The following CSMD1 variants were observed in gnomAD, a reference collection of about 807,000 sequenced individuals.
CSMD1 encodes CUB and sushi domain-containing protein 1.
A neutral mutation model predicts 417.5 loss-of-function variants in CSMD1; 213 were observed. The ratio of observed to expected loss-of-function variants is 0.51; its 90% confidence interval spans 0.46 to 0.57. The LOEUF is 0.57. Among genes scored for constraint, CSMD1 ranks in the 20% least tolerant of loss-of-function variants. The pLI is 0.00. For synonymous variants in CSMD1, 2,862 were observed against 1,736.8 expected, an observed-to-expected ratio of 1.65 and a Z score of -16.11; for missense variants, 6,923 against 4,529.7, an observed-to-expected ratio of 1.53 and a Z score of -15.17.
At chr8:3,122,609 C>G (rs907834476) in intron 41 of CSMD1, among the ~76,000 whole-genome samples, 1 of 152,144 alleles carries the variant, frequency 6.6e-6, no homozygotes, top group East Asian at 1.9e-4. Context: ...CAATCAATCT[C>G]ATACTATTCT....
intron 3 of CSMD1, among the ~76,000 whole-genome samples, chr8:4,329,203 C>G (rs969771532): frequency 6.6e-6 from 1 of 152,128 alleles, no homozygotes. Context: ...AGAGATGTTT[C>G]CAATACAAAT....
In CSMD1 at chr8:3,051,395, AGTC is replaced by A. The variant is rs1481216702; in HGVS notation, c.7660+1064_7660+1066del. ...TCCTGTAAGTGGGAGCTAAACATTG[AGTC>A]CACACAGACATAAAGAAGGCAGCAA... On this transcript the variant is annotated intron_variant, in intron 50 of 69. Coordinates refer to ENST00000635120, the MANE Select transcript of CSMD1 (RefSeq NM_033225.6). Among the ~76,000 whole-genome samples the A allele has an allele frequency of 2.0e-5, 3 of 152,306 alleles. No homozygotes were observed. In the East Asian group the frequency reaches 5.8e-4, roughly 29 times the overall value.
At chr8:4,288,957 G>T (rs2656290) in intron 3 of CSMD1, among the ~76,000 whole-genome samples, 2 of 152,046 alleles carry the variant, frequency 1.3e-5, no homozygotes, top group Admixed American at 1.3e-4. Flanking sequence ...TGTGGCAGCT[G>T]TAAAAATGGT....
chr8:3,573,969 TA>T (rs1198307876), intron 10 of CSMD1, among the ~76,000 whole-genome samples: 3 of 152,060 alleles, frequency 2.0e-5, no homozygotes, highest in African/African-American at 7.2e-5. Context: ...TAAAAGGAGT[TA>T]AAAAAATTCA....
chr8:4,126,711 G>C (rs1451161653), intron 3 of CSMD1, among the ~76,000 whole-genome samples: 1 of 152,120 alleles, frequency 6.6e-6, no homozygotes, highest in Non-Finnish European at 1.5e-5. Flanking sequence ...CACTCTCCTG[G>C]AAGCTGCTCC....
intron 5 of CSMD1, among the ~76,000 whole-genome samples, chr8:3,888,153 C>A (rs575432820): frequency 2.6e-5 from 4 of 152,144 alleles, no homozygotes; most frequent in African/African-American, 7.2e-5. Context: ...CATTTGTATG[C>A]AATGTTCGTC....
At chr8:4,422,408 T>G (rs375904877) in intron 2 of CSMD1, among the ~76,000 whole-genome samples, 1 of 152,142 alleles carries the variant, frequency 6.6e-6, no homozygotes, top group Non-Finnish European at 1.5e-5. Context: ...GAGGTAATTA[T>G]AGTTAAATGA....
intron 3 of CSMD1, among the ~76,000 whole-genome samples, chr8:4,173,302 A>T (rs1332398413): frequency 6.6e-6 from 1 of 152,170 alleles, no homozygotes; most frequent in Non-Finnish European, 1.5e-5. Flanking sequence ...TTCCAAATTG[A>T]AGTGGGAAAT....
Position 3,469,809 on chromosome 8 carries a change from C to A in CSMD1, c.1449-985G>T, listed in dbSNP as rs149616340. ...AACTGTCATTATATGTGAAGTAACT[C>A]ATGCAATGTTACACACAAATTGAAA... On this transcript the variant is annotated intron_variant, in intron 11 of 69. Transcript: ENST00000635120. Among the ~76,000 whole-genome samples, 934 of 152,290 alleles carry A rather than the reference C, an allele frequency of 6.1e-3. 14 individuals are homozygous for A. Among genetic ancestry groups the A allele is most frequent in the African/African-American group, 0.02 (849 of 41,548 alleles).
chr8:4,796,226 G>C (rs1278930156), intron 1 of CSMD1, among the ~76,000 whole-genome samples: 2 of 151,900 alleles, frequency 1.3e-5, no homozygotes, highest in South Asian at 4.2e-4. Context: ...TGCTCCAAAA[G>C]CCTGCATGAA....
intron 1 of CSMD1, among the ~76,000 whole-genome samples, chr8:4,950,470 A>C (rs1423488256): frequency 1.3e-5 from 2 of 152,208 alleles, no homozygotes; most frequent in African/African-American, 4.8e-5. Flanking sequence ...ACACCTGCAA[A>C]ATAGGATAAG....
chr8:3,263,752 T>G (rs1323538058), intron 26 of CSMD1, among the ~76,000 whole-genome samples: 1 of 152,208 alleles, frequency 6.6e-6, no homozygotes, highest in Non-Finnish European at 1.5e-5. Flanking sequence ...CATTGTAAAG[T>G]CAACTAACTT....
intron 7 of CSMD1, among the ~76,000 whole-genome samples, chr8:3,702,824 G>C (rs539732010): frequency 6.6e-6 from 1 of 152,132 alleles, no homozygotes; most frequent in Non-Finnish European, 1.5e-5. Flanking sequence ...ACGAGACTCT[G>C]TCTCAATAAC....
chr8:4,875,141 T>C (rs1563648551), intron 1 of CSMD1, among the ~76,000 whole-genome samples: 1 of 151,736 alleles, frequency 6.6e-6, no homozygotes. Flanking sequence ...CATGGTAAGG[T>C]AGTATGTGCT....
At chr8:4,987,986 C>A (rs1446150499) in intron 1 of CSMD1, among the ~76,000 whole-genome samples, 6 of 152,122 alleles carry the variant, frequency 3.9e-5, no homozygotes, top group Non-Finnish European at 7.4e-5. Flanking sequence ...TTGCTGACAG[C>A]CTATTGTGGG....
chr8:3,672,405 A>G (rs1019165679), intron 7 of CSMD1, among the ~76,000 whole-genome samples: 1 of 152,168 alleles, frequency 6.6e-6, no homozygotes, highest in African/African-American at 2.4e-5. Context: ...CAGCTCAGAA[A>G]ACATAAACAG....
chr8:4,144,782 C>G (rs1240629452), intron 3 of CSMD1, among the ~76,000 whole-genome samples: 1 of 150,950 alleles, frequency 6.6e-6, no homozygotes, highest in Non-Finnish European at 1.5e-5. Context: ...GATGGATTTA[C>G]CAGGTTGTCA....
At chr8:4,823,617 C>A (rs1563501573) in intron 1 of CSMD1, among the ~76,000 whole-genome samples, 1 of 150,714 alleles carries the variant, frequency 6.6e-6, no homozygotes. Flanking sequence ...CATACATCGA[C>A]CCCCTACTAC....
rs1033747071 is a variant in CSMD1 at position 4,442,076 on chromosome 8, T to A, written c.303-22011A>T. Reference sequence around the variant, plus strand: ...CATTTTGTTTCAAAACTGCTCAGAGTTTGAGTTGTAGAAACACGTGACGAA... The same window carrying A: ...CATTTTGTTTCAAAACTGCTCAGAGATTGAGTTGTAGAAACACGTGACGAA... On this transcript the variant is annotated intron_variant, in intron 2 of 69. Transcript: ENST00000635120. Among the ~76,000 whole-genome samples, 3 of 152,232 alleles carry A rather than the reference T, an allele frequency of 2.0e-5. No individual in the cohort carries two copies. In the South Asian group the frequency reaches 6.2e-4, roughly 32 times the overall value.
Sources: gnomAD v4.1 joint callset for allele counts (sites outside exome capture counted in the v4.1 genomes callset) on GRCh38, gnomAD v4.1.1 for gene constraint, MANE v1.5 for transcripts, NCBI Gene and HGNC (gene_info 2026-07-23, HGNC 2026-07-21) for gene names.